ARHGAP15: variants seen among roughly 807,000 people sequenced by gnomAD.
ARHGAP15 encodes Rho GTPase activating protein 15.
A neutral mutation model predicts 63.7 loss-of-function variants in ARHGAP15; 51 were observed. That is an observed-to-expected ratio of 0.80 (90% CI 0.64 to 1.01). The LOEUF is 1.01. Among genes scored for constraint, ARHGAP15 ranks in the 50% least tolerant of loss-of-function variants. ARHGAP15 has a pLI of 0.00. For missense variants in ARHGAP15, 560 were observed against 564.6 expected (o/e 0.99, Z 0.08); for synonymous variants, 191 against 193.8 (o/e 0.99, Z 0.12).
chr2:143,145,839 GGTGT>G (rs4008348), intron 1 of ARHGAP15, among the ~76,000 whole-genome samples: 65,788 of 142,600 alleles, frequency 0.46, 16,728 homozygotes, highest in South Asian at 0.62. Context: ...TATGTATAGG[GGTGT>G]GTGTGTGTGT....
intron 8 of ARHGAP15, among the ~76,000 whole-genome samples, chr2:143,455,518 G>C (rs943476916): frequency 1.3e-5 from 2 of 151,946 alleles, no homozygotes; most frequent in Non-Finnish European, 2.9e-5. Flanking sequence ...TTACCCAGCC[G>C]CTATTCAAGA....
chr2:143,274,756 T>C (rs1246778714), intron 6 of ARHGAP15, among the ~76,000 whole-genome samples: 3 of 152,214 alleles, frequency 2.0e-5, no homozygotes, highest in South Asian at 2.1e-4. Flanking sequence ...ACGACATTAA[T>C]AGGTTTTGAT....
chr2:143,361,644 T>C (rs1558920094), intron 6 of ARHGAP15, among the ~76,000 whole-genome samples: 1 of 152,160 alleles, frequency 6.6e-6, no homozygotes, highest in Admixed American at 6.5e-5. Flanking sequence ...CCATCTTTAC[T>C]ATTTATGACC....
intron 11 of ARHGAP15, among the ~76,000 whole-genome samples, chr2:143,579,120 C>T (rs1477591497): frequency 6.6e-6 from 1 of 152,096 alleles, no homozygotes; most frequent in African/African-American, 2.4e-5. Context: ...TGTAAGATGA[C>T]AATGATGCCA....
chr2:143,419,227 A>G (rs913162654), intron 6 of ARHGAP15, among the ~76,000 whole-genome samples: 4 of 152,130 alleles, frequency 2.6e-5, no homozygotes, highest in African/African-American at 9.6e-5. Context: ...AAATTCACAA[A>G]GTATATAATG....
At chr2:143,330,700 C>A (rs1330719053) in intron 6 of ARHGAP15, among the ~76,000 whole-genome samples, 1 of 152,130 alleles carries the variant, frequency 6.6e-6, no homozygotes, top group Non-Finnish European at 1.5e-5. Flanking sequence ...GGTTTCATTT[C>A]TCCATCAGTG....
chr2:143,500,707 C>T (rs1693018278), intron 9 of ARHGAP15, among the ~76,000 whole-genome samples: 1 of 152,120 alleles, frequency 6.6e-6, no homozygotes, highest in Admixed American at 6.5e-5. Flanking sequence ...ACTCAAGTTG[C>T]CTTCATGAAG....
intron 11 of ARHGAP15, among the ~76,000 whole-genome samples, chr2:143,572,873 C>G (rs1696520412): frequency 6.6e-6 from 1 of 151,910 alleles, no homozygotes; most frequent in Non-Finnish European, 1.5e-5. Context: ...ACACAAAGAG[C>G]CATATTGAGA....
At position 143,662,867 on chromosome 2, in the gene ARHGAP15, A is replaced by C. The variant is rs544182101; in HGVS notation, c.1138+38600A>C. ...AAGCAAGAAGGGAAGTTTAGAGAAA[A>C]AAGAATAAAAAGAAATGAGCAAAGC... is the stretch of plus-strand genomic sequence containing the variant. On this transcript the variant is annotated intron_variant, in intron 12 of 13. Coordinates refer to ENST00000295095, the MANE Select transcript of ARHGAP15 (RefSeq NM_018460.4). Among the ~76,000 whole-genome samples, 19 of 141,094 alleles carry C rather than the reference A, an allele frequency of 1.3e-4. No individual in the cohort carries two copies. The South Asian group carries it at 4.4e-3, about 32-fold the overall frequency. 92.6% of individuals were successfully genotyped at this position (141,094 alleles called of 152,430 possible).
At chr2:143,474,172 C>T (rs542894875) in intron 8 of ARHGAP15, among the ~76,000 whole-genome samples, 12 of 152,204 alleles carry the variant, frequency 7.9e-5, no homozygotes, top group African/African-American at 2.9e-4. Flanking sequence ...CCTCTTCCCC[C>T]AGGGAAAAGG....
chr2:143,619,863 A>T (rs181192239), intron 11 of ARHGAP15, among the ~76,000 whole-genome samples: 11 of 152,120 alleles, frequency 7.2e-5, no homozygotes, highest in African/African-American at 2.7e-4. Flanking sequence ...AGGCCTCCCC[A>T]GTTGTTCTTC....
chr2:143,529,722 T>C (rs1694439961), intron 10 of ARHGAP15, among the ~76,000 whole-genome samples: 1 of 152,202 alleles, frequency 6.6e-6, no homozygotes, highest in Admixed American at 6.5e-5. Context: ...CACATTCATC[T>C]TCTTGTGAAT....
chr2:143,270,287 C>T (rs1460095689), intron 6 of ARHGAP15, among the ~76,000 whole-genome samples: 4 of 152,180 alleles, frequency 2.6e-5, no homozygotes. Flanking sequence ...TTTAACTTTG[C>T]TTAAAATGTT....
At chr2:143,370,180 A>G (rs1686483184) in intron 6 of ARHGAP15, among the ~76,000 whole-genome samples, 1 of 152,178 alleles carries the variant, frequency 6.6e-6, no homozygotes, top group East Asian at 1.9e-4. Flanking sequence ...CAAGCATACC[A>G]ATTTCCCCCA....
chr2:143,667,598 A>G (rs1214078427), intron 12 of ARHGAP15, among the ~76,000 whole-genome samples: 2 of 151,570 alleles, frequency 1.3e-5, no homozygotes, highest in Admixed American at 6.6e-5. Flanking sequence ...AAAAAAAAAA[A>G]AAAAAGAAAA....
chr2:143,163,309 T>A (rs1197897825), intron 2 of ARHGAP15, among the ~76,000 whole-genome samples: 1 of 151,888 alleles, frequency 6.6e-6, no homozygotes, highest in Non-Finnish European at 1.5e-5. Flanking sequence ...CAGGCCTCCA[T>A]AATAACTAGA....
chr2:143,606,051 A>AAAAAAAAAAAAAAAAAAAAAAAAC (rs1698005769), intron 11 of ARHGAP15, among the ~76,000 whole-genome samples: 1 of 133,598 alleles, frequency 7.5e-6, no homozygotes, highest in African/African-American at 2.8e-5. Context: ...AAAAAAAAAA[A>AAAAAAAAAAAAAAAAAAAAAAAAC]AAAAAAAAAA....
At chr2:143,443,219 CA>C (rs1558975069) in intron 8 of ARHGAP15, among the ~76,000 whole-genome samples, 1 of 151,932 alleles carries the variant, frequency 6.6e-6, no homozygotes, top group African/African-American at 2.4e-5. Flanking sequence ...CTAATCCTGC[CA>C]ATGTATGAAA....
intron 6 of ARHGAP15, among the ~76,000 whole-genome samples, chr2:143,328,101 T>TG (rs1684339496): frequency 6.6e-6 from 1 of 152,144 alleles, no homozygotes; most frequent in Non-Finnish European, 1.5e-5. Flanking sequence ...CAACAGATGC[T>TG]GGAGAGGATG....
Sources: allele counts gnomAD v4.1 joint callset (sites outside exome capture counted in the v4.1 genomes callset), GRCh38; gene constraint gnomAD v4.1.1; transcripts MANE v1.5; gene names NCBI Gene and HGNC (gene_info 2026-07-23, HGNC 2026-07-21).